The following GNAI1 variants were observed in gnomAD, a reference collection of about 807,000 sequenced individuals.
GNAI1 encodes guanine nucleotide-binding protein G(i) subunit alpha-1.
A neutral mutation model predicts 38.9 loss-of-function variants in GNAI1; 11 were observed. The ratio of observed to expected loss-of-function variants is 0.28; its 90% CI spans 0.18 to 0.47. GNAI1 has a LOEUF of 0.47. GNAI1 is among the 20% of genes least tolerant of loss of function. GNAI1 has a pLI of 0.99. For synonymous variants in GNAI1, 166 were observed against 145.1 expected (o/e 1.14, Z -1.04); for missense variants, 317 against 436.9 (o/e 0.73, Z 2.45).
intron 1 of GNAI1, among the ~76,000 whole-genome samples, chr7:80,150,133 A>G (rs780714186): frequency 2.0e-5 from 3 of 152,194 alleles, no homozygotes; most frequent in Admixed American, 6.5e-5. Context: ...AGCTTTATCA[A>G]TACTTAGTAA....
At chr7:80,135,808 T>A in intron 1 of GNAI1, 1 of 985,508 alleles carries the variant, frequency 1.0e-6, no homozygotes, top group Non-Finnish European at 1.2e-6. Context: ...GCGTCTTTCC[T>A]GTTAACTTCC....
At chr7:80,172,704 C>T (rs1195555163) in intron 1 of GNAI1, among the ~76,000 whole-genome samples, 3 of 152,138 alleles carry the variant, frequency 2.0e-5, no homozygotes, top group Non-Finnish European at 1.5e-5. Context: ...TTCCTCCGTA[C>T]TTAAGAATTA....
chr7:80,198,979 C>T (rs1446589998), intron 3 of GNAI1, among the ~76,000 whole-genome samples: 1 of 152,080 alleles, frequency 6.6e-6, no homozygotes, highest in Non-Finnish European at 1.5e-5. Context: ...ATTATTCTTC[C>T]AGCTTCCTAG....
intron 3 of GNAI1, among the ~76,000 whole-genome samples, chr7:80,193,862 C>T (rs926881738): frequency 2.6e-5 from 4 of 152,098 alleles, no homozygotes; most frequent in Non-Finnish European, 4.4e-5. Context: ...AACACAACAC[C>T]GGTTCTTCAT....
At chr7:80,197,930 A>G (rs1788608778) in intron 3 of GNAI1, among the ~76,000 whole-genome samples, 1 of 152,140 alleles carries the variant, frequency 6.6e-6, no homozygotes. Context: ...CCATCACTTT[A>G]TAAGCATCTG....
chr7:80,163,012 T>G (rs1787949646), intron 1 of GNAI1, among the ~76,000 whole-genome samples: 1 of 152,198 alleles, frequency 6.6e-6, no homozygotes, highest in Admixed American at 6.5e-5. Flanking sequence ...TTAGGGAATG[T>G]GGCCAAGTAC....
rs541550335 is a variant in GNAI1 at position 80,220,244 on chromosome 7, C to G, written c.*2751C>G. Among the ~76,000 whole-genome samples the G allele has an allele frequency of 6.6e-5, 10 of 151,610 alleles. No homozygotes were observed. Among genetic ancestry groups the G allele is most frequent in the Non-Finnish European group, 1.2e-4 (8 of 67,914 alleles). The stretch of plus-strand genomic sequence containing the variant: ...CCTCCAAGTACTGTATTACTTACTA[C>G]ATGTGATATGCTTAGAGCAGTGCCT... On this transcript the variant is annotated 3_prime_UTR_variant, in exon 8 of 8. Coordinates refer to ENST00000649796, the MANE Select transcript of GNAI1 (RefSeq NM_002069.6).
chr7:80,165,718 G>GT (rs980489787), intron 1 of GNAI1, among the ~76,000 whole-genome samples: 1 of 151,952 alleles, frequency 6.6e-6, no homozygotes, highest in Non-Finnish European at 1.5e-5. Context: ...ACTAGAAGTA[G>GT]TTTTTAGTAT....
rs1025530615 is a variant in GNAI1 at position 80,135,036 on chromosome 7, G to A, written c.-125G>A. On this transcript the variant is annotated 5_prime_UTR_variant, in exon 1 of 8. Coordinates refer to ENST00000649796, the MANE Select transcript of GNAI1 (RefSeq NM_002069.6). ...CCCTCGACTCCGCTTAGGAAGTGGT[G>A]GGGGCGGCGTGGCCCCCGTCGGGAG... 3 of 488,330 alleles carry A rather than the reference G, an allele frequency of 6.1e-6. No homozygotes were observed. The highest frequency in any genetic ancestry group is 5.9e-5 in the South Asian group (1 of 16,940). 30.2% of individuals were successfully genotyped at this position (488,330 alleles called of 1,614,324 possible).
In GNAI1 at chr7:80,223,669, T is replaced by G. The variant is rs1789116094; in HGVS notation, c.*6176T>G. 6.6e-6 allele frequency among the ~76,000 whole-genome samples: 1 copy of G among 152,212 alleles called. No individual in the cohort carries two copies. The highest frequency in any genetic ancestry group is 6.5e-5 in the Admixed American group (1 of 15,276). ...AATATGGTTTGTATAGGACTCACTT[T>G]GCAGCATTCAATTTTAGTATAACAT... On this transcript the variant is annotated 3_prime_UTR_variant, in exon 8 of 8. Transcript: ENST00000649796.
rs145535108 is a variant in GNAI1 at position 80,221,067 on chromosome 7, C to T, written c.*3574C>T. ...AAATGAATTTAGTTGATACTGTAATCATTATTACAGATGGTAGCATCATCA... is the reference window on the plus strand; with the variant it reads ...AAATGAATTTAGTTGATACTGTAATTATTATTACAGATGGTAGCATCATCA... On this transcript the variant is annotated 3_prime_UTR_variant, in exon 8 of 8. Transcript: ENST00000649796. Among the ~76,000 whole-genome samples the T allele has an allele frequency of 3.4e-4, 52 of 152,232 alleles. 2 individuals carry two copies. The highest frequency in any genetic ancestry group is 1.2e-3 in the African/African-American group (51 of 41,536).
chr7:80,173,517 TTATA>T (rs1178760030), intron 1 of GNAI1, among the ~76,000 whole-genome samples: 9 of 152,164 alleles, frequency 5.9e-5, no homozygotes, highest in African/African-American at 2.2e-4. Flanking sequence ...AAAAGTCCAC[TTATA>T]TAGTGTTCAG....
At chr7:80,195,265 C>T (rs920282510) in intron 3 of GNAI1, among the ~76,000 whole-genome samples, 1 of 151,770 alleles carries the variant, frequency 6.6e-6, no homozygotes, top group African/African-American at 2.4e-5. Flanking sequence ...ACTCATACTT[C>T]ATGCTAAATT....
At chr7:80,176,687 G>A (rs1195148493) in intron 1 of GNAI1, among the ~76,000 whole-genome samples, 1 of 152,058 alleles carries the variant, frequency 6.6e-6, no homozygotes, top group Non-Finnish European at 1.5e-5. Context: ...TGTAATGCCA[G>A]CACTTTTGGG....
At chr7:80,148,589 C>A (rs1787670007) in intron 1 of GNAI1, among the ~76,000 whole-genome samples, 1 of 151,674 alleles carries the variant, frequency 6.6e-6, no homozygotes, top group African/African-American at 2.4e-5. Context: ...GTTAGATAAG[C>A]AACTTAACTT....
At chr7:80,217,246 T>TCTGTATGAAACTGAA in intron 7 of GNAI1, 57 bp from the exon 8 acceptor site, 3 of 1,152,028 alleles carry the variant, frequency 2.6e-6, no homozygotes, top group South Asian at 1.6e-5. Flanking sequence ...GAATTCAGTA[T>TCTGTATGAAACTGAA]TTTAAGCAGT....
At chr7:80,150,500 A>G (rs1787704907) in intron 1 of GNAI1, among the ~76,000 whole-genome samples, 2 of 152,206 alleles carry the variant, frequency 1.3e-5, no homozygotes, top group South Asian at 4.1e-4. Context: ...ACTATGCCAT[A>G]TGTTTATAGG....
chr7:80,183,049 T>C (rs1221650525), intron 1 of GNAI1, among the ~76,000 whole-genome samples: 2 of 152,290 alleles, frequency 1.3e-5, no homozygotes, highest in Non-Finnish European at 2.9e-5. Flanking sequence ...CCTTGATATT[T>C]ACATTTCAAA....
chr7:80,207,172 A>G (rs374492955), intron 5 of GNAI1, among the ~76,000 whole-genome samples: 2 of 152,128 alleles, frequency 1.3e-5, no homozygotes, highest in African/African-American at 2.4e-5. Context: ...GTTATTGCCT[A>G]TGAAAAATGT....
Sources: allele counts gnomAD v4.1 joint callset (sites outside exome capture counted in the v4.1 genomes callset), GRCh38; gene constraint gnomAD v4.1.1; transcripts MANE v1.5; gene names NCBI Gene and HGNC (gene_info 2026-07-23, HGNC 2026-07-21).